The following RNF13 variants were observed in gnomAD, a reference collection of about 807,000 sequenced individuals.
RNF13 encodes the protein ring finger protein 13.
A neutral mutation model predicts 37.7 loss-of-function variants in RNF13; 19 were observed. The ratio of observed to expected loss-of-function variants is 0.50; its 90% CI spans 0.35 to 0.74. The LOEUF is 0.74. RNF13 is among the 30% of genes least tolerant of loss of function. The pLI is 0.01. For missense variants in RNF13, 375 were observed against 453.0 expected (o/e 0.83, Z 1.56); for synonymous variants, 144 against 157.8 (o/e 0.91, Z 0.65).
At chr3:149,840,726 A>G (rs1390352067) in intron 1 of RNF13, among the ~76,000 whole-genome samples, 1 of 152,046 alleles carries the variant, frequency 6.6e-6, no homozygotes, top group East Asian at 1.9e-4. Context: ...TCTGATTGGT[A>G]TCCACACTCT....
At chr3:149,944,409 G>A (rs1189981182) in intron 8 of RNF13, among the ~76,000 whole-genome samples, 2 of 152,100 alleles carry the variant, frequency 1.3e-5, no homozygotes, top group African/African-American at 2.4e-5. Context: ...TTCCACAATG[G>A]TTGAACTAGT....
intron 7 of RNF13, among the ~76,000 whole-genome samples, chr3:149,913,832 C>T (rs1717228184): frequency 6.6e-6 from 1 of 152,106 alleles, no homozygotes; most frequent in Admixed American, 6.5e-5. Context: ...AACCTTCATC[C>T]CTTGGTTAAG....
intron 4 of RNF13, among the ~76,000 whole-genome samples, chr3:149,874,435 T>C (rs974029767): frequency 6.6e-6 from 1 of 152,168 alleles, no homozygotes; most frequent in Non-Finnish European, 1.5e-5. Context: ...ATAAGAATTA[T>C]AATGTTCCCT....
intron 8 of RNF13, among the ~76,000 whole-genome samples, chr3:149,946,321 T>G (rs1720769833): frequency 6.6e-6 from 1 of 152,196 alleles, no homozygotes; most frequent in Admixed American, 6.5e-5. Flanking sequence ...GTATCAGTGA[T>G]TGCAGTTCTT....
intron 6 of RNF13, among the ~76,000 whole-genome samples, chr3:149,904,100 T>C (rs1716149049): frequency 1.3e-5 from 2 of 152,184 alleles, no homozygotes; most frequent in Admixed American, 1.3e-4. Flanking sequence ...CTAGGAAATA[T>C]ATATGGCTTT....
At chr3:149,902,641 C>T (rs1218083883) in intron 6 of RNF13, among the ~76,000 whole-genome samples, 2 of 152,052 alleles carry the variant, frequency 1.3e-5, no homozygotes, top group South Asian at 2.1e-4. Flanking sequence ...AAACTCTTCT[C>T]CCCTACCCCC....
chr3:149,815,095 A>G (rs569411231), intron 1 of RNF13, among the ~76,000 whole-genome samples: 2 of 152,150 alleles, frequency 1.3e-5, no homozygotes, highest in Admixed American at 6.5e-5. Context: ...AATTTTCTCA[A>G]TAATTTTGGA....
chr3:149,852,258 A>G (rs971543485), intron 2 of RNF13, among the ~76,000 whole-genome samples: 5 of 152,192 alleles, frequency 3.3e-5, no homozygotes, highest in African/African-American at 1.2e-4. Flanking sequence ...AAAAACTCAG[A>G]AAACAGTAGG....
At chr3:149,860,016 C>T (rs1299277659) in intron 3 of RNF13, among the ~76,000 whole-genome samples, 2 of 151,750 alleles carry the variant, frequency 1.3e-5, no homozygotes, top group Non-Finnish European at 2.9e-5. Context: ...CCTGTAATCC[C>T]AGCACTTGGG....
intron 6 of RNF13, among the ~76,000 whole-genome samples, chr3:149,904,560 G>C (rs1242884297): frequency 6.6e-6 from 1 of 152,128 alleles, no homozygotes; most frequent in Non-Finnish European, 1.5e-5. Flanking sequence ...GAAATAGTCT[G>C]TGTGCTGATG....
At chr3:149,828,820 A>G (rs1215657933) in intron 1 of RNF13, among the ~76,000 whole-genome samples, 1 of 152,196 alleles carries the variant, frequency 6.6e-6, no homozygotes, top group Non-Finnish European at 1.5e-5. Flanking sequence ...TATGGATTCA[A>G]TAGGGAACTT....
chr3:149,886,106 A>G (rs1020104206), intron 4 of RNF13, among the ~76,000 whole-genome samples: 2 of 152,176 alleles, frequency 1.3e-5, no homozygotes, highest in African/African-American at 4.8e-5. Context: ...TTTTTATGCC[A>G]GCATCATGCT....
chr3:149,855,683 A>T (rs1723582964), intron 3 of RNF13, among the ~76,000 whole-genome samples: 1 of 151,792 alleles, frequency 6.6e-6, no homozygotes, highest in African/African-American at 2.4e-5. Flanking sequence ...GAGGTCTGGA[A>T]GTAGAATTGA....
intron 4 of RNF13, among the ~76,000 whole-genome samples, chr3:149,873,710 C>T (rs1712353008): frequency 6.6e-6 from 1 of 152,174 alleles, no homozygotes. Flanking sequence ...GATGTTACCT[C>T]CTCAGGGAGC....
intron 8 of RNF13, among the ~76,000 whole-genome samples, chr3:149,936,005 G>C (rs1026814500): frequency 1.3e-5 from 2 of 151,192 alleles, no homozygotes; most frequent in African/African-American, 4.8e-5. Flanking sequence ...CTTTGCTGGG[G>C]ACACTGTTCT....
At chr3:149,883,858 C>T (rs145242039) in intron 4 of RNF13, among the ~76,000 whole-genome samples, 124 of 152,272 alleles carry the variant, frequency 8.1e-4, no homozygotes, top group African/African-American at 2.8e-3. Flanking sequence ...CTCTCTCCCC[C>T]GACCCTCCCT....
intron 8 of RNF13, among the ~76,000 whole-genome samples, chr3:149,944,407 TG>T (rs1720570091): frequency 1.3e-5 from 2 of 152,222 alleles, no homozygotes; most frequent in South Asian, 4.1e-4. Flanking sequence ...TCTTCCACAA[TG>T]GTTGAACTAG....
At chr3:149,917,020 G>T (rs944197212) in intron 7 of RNF13, among the ~76,000 whole-genome samples, 5 of 151,984 alleles carry the variant, frequency 3.3e-5, no homozygotes, top group Non-Finnish European at 7.4e-5. Context: ...TTTAATATAG[G>T]ATGTTTCTTT....
chr3:149,863,572 G>A (rs1165006547), intron 3 of RNF13, among the ~76,000 whole-genome samples: 1 of 152,060 alleles, frequency 6.6e-6, no homozygotes, highest in East Asian at 1.9e-4. Flanking sequence ...TAGAGACAGG[G>A]TTTCACCATA....
Sources: allele counts gnomAD v4.1 joint callset (sites outside exome capture counted in the v4.1 genomes callset), GRCh38; gene constraint gnomAD v4.1.1; transcripts MANE v1.5; gene names NCBI Gene and HGNC (gene_info 2026-07-23, HGNC 2026-07-21).